Variants in GALNT12 observed in about 807,000 individuals in gnomAD.
GALNT12 encodes the protein UDP-GalNAc:polypeptide N-acetylgalactosaminyltransferase 12.
In GALNT12, 45 loss-of-function variants were observed where a neutral mutation model predicts 55.5. The observed-to-expected ratio is 0.81, with a 90% CI of 0.64 to 1.04. The LOEUF is 1.04. Among genes scored for constraint, GALNT12 ranks in the 50% least tolerant of loss-of-function variants. GALNT12 has a pLI of 0.00. For synonymous variants in GALNT12, 304 were observed against 312.2 expected (o/e 0.97, Z 0.28); for missense variants, 709 against 754.8 (o/e 0.94, Z 0.71).
intron 3 of GALNT12, among the ~76,000 whole-genome samples, chr9:98,828,975 G>A (rs1414010477): frequency 6.6e-6 from 1 of 150,512 alleles, no homozygotes; most frequent in Non-Finnish European, 1.5e-5. Context: ...GACTACAGGT[G>A]CGTGCCACCG....
chr9:98,808,147 C>G (rs1463682527), intron 1 of GALNT12, 78 bp downstream of exon 1: 1 of 1,257,540 alleles, frequency 8.0e-7, no homozygotes, highest in East Asian at 2.6e-5. Flanking sequence ...AGTGGCAGGG[C>G]GGGGAGCTGG....
chr9:98,808,306 T>C (rs1158443637), intron 1 of GALNT12, among the ~76,000 whole-genome samples: 1 of 152,018 alleles, frequency 6.6e-6, no homozygotes, highest in Non-Finnish European at 1.5e-5. Context: ...ATCTCTTAGC[T>C]CCCTTCTCCT....
chr9:98,825,238 G>A (rs190612764), intron 2 of GALNT12, among the ~76,000 whole-genome samples: 22 of 152,240 alleles, frequency 1.4e-4, no homozygotes, highest in South Asian at 4.2e-4. Context: ...GTCAAAGAGC[G>A]GATTATTTAT....
At chr9:98,843,008 C>T (rs2118487645) in intron 7 of GALNT12, among the ~76,000 whole-genome samples, 1 of 152,306 alleles carries the variant, frequency 6.6e-6, no homozygotes, top group Middle Eastern at 3.4e-3. Context: ...CCAGTAGCCA[C>T]AGTGGCCAGT....
intron 1 of GALNT12, among the ~76,000 whole-genome samples, chr9:98,818,519 C>T (rs1301320653): frequency 2.0e-5 from 3 of 151,988 alleles, no homozygotes; most frequent in African/African-American, 7.3e-5. Context: ...GCCACCACAC[C>T]TGGCCAGCTG....
In GALNT12 at chr9:98,835,246, T is replaced by C; in HGVS notation, c.918-3T>C. The C allele has an allele frequency of 6.3e-7, 1 of 1,599,188 alleles. No individual in the cohort carries two copies. On this transcript the variant is annotated splice_region_variant and splice_polypyrimidine_tract_variant and intron_variant, in intron 4 of 9. Coordinates refer to ENST00000375011, the MANE Select transcript of GALNT12 (RefSeq NM_024642.5). The stretch of plus-strand genomic sequence containing the variant: ...GTGAAATAAGGATATCATACTTTTT[T>C]AGGTCTCCAACAATGGCTGGTGGGC...
At chr9:98,822,142 G>A (rs763652224) in intron 1 of GALNT12, among the ~76,000 whole-genome samples, 1 of 152,206 alleles carries the variant, frequency 6.6e-6, no homozygotes, top group African/African-American at 2.4e-5. Flanking sequence ...AATCTGGGAA[G>A]GCCTTGCCTT....
chr9:98,813,172 T>G (rs1472907426), intron 1 of GALNT12, among the ~76,000 whole-genome samples: 3 of 152,244 alleles, frequency 2.0e-5, no homozygotes, highest in African/African-American at 7.2e-5. Flanking sequence ...CTCAGTTTTC[T>G]TTATCTGAAA....
chr9:98,835,338 GA>G lies in GALNT12; in HGVS notation c.1008del (p.Gly337GlufsTer74), dbSNP rs776007490. The G allele has an allele frequency of 6.2e-7, 1 of 1,612,624 alleles. No individual in the cohort carries two copies. The highest frequency in any genetic ancestry group is 8.5e-7 in the Non-Finnish European group (1 of 1,178,646). On this transcript the variant is annotated frameshift_variant, in exon 5 of 10. Transcript: ENST00000375011. LOFTEE classifies it high-confidence loss of function. ...GSYDTGMEVW[G>X]GENLEFSFRI... The stretch of plus-strand genomic sequence containing the variant: ...TATGATACAGGAATGGAAGTTTGGG[GA>G]GGAGAAAACCTCGAATTTTCCTTTA...
chr9:98,846,846 G>A, intron 9 of GALNT12, among the ~76,000 whole-genome samples: 1 of 112,148 alleles, frequency 8.9e-6, no homozygotes, highest in Non-Finnish European at 1.7e-5. Flanking sequence ...GACAGAGCGA[G>A]ACTCCGTCTC....
intron 3 of GALNT12, among the ~76,000 whole-genome samples, chr9:98,828,642 C>A (rs1186946171): frequency 6.6e-6 from 1 of 152,116 alleles, no homozygotes; most frequent in East Asian, 1.9e-4. Context: ...GTTAGAAATA[C>A]CTGGGAAACT....
Position 98,835,371 on chromosome 9 carries a change from G to C in GALNT12, c.1035+5G>C. 6.6e-7 allele frequency: 1 copy of C among 1,508,372 alleles called. No individual in the cohort carries two copies. 93.4% of individuals were successfully genotyped at this position (1,508,372 alleles called of 1,614,324 possible). A position where few individuals can be genotyped will look rare whatever the true frequency, so the allele number is the denominator to read the frequency against. ...AACCTCGAATTTTCCTTTAGGGTAA[G>C]TATTTCAGTCTTCTCTTTGGACATG... On this transcript the variant is annotated splice_donor_5th_base_variant and intron_variant, in intron 5 of 9. Transcript: ENST00000375011.
intron 9 of GALNT12, 89 bp from the exon 10 acceptor site, chr9:98,848,863 A>G (rs1836481435): frequency 1.3e-6 from 2 of 1,502,582 alleles, no homozygotes. Context: ...CTGAAATGGT[A>G]AAAATCAGAC....
intron 2 of GALNT12, among the ~76,000 whole-genome samples, chr9:98,823,852 G>A (rs929358491): frequency 6.6e-6 from 1 of 152,216 alleles, no homozygotes; most frequent in Non-Finnish European, 1.5e-5. Flanking sequence ...GGGGCTGGGT[G>A]AGGATGGAGG....
At chr9:98,808,354 G>A (rs1443697186) in intron 1 of GALNT12, among the ~76,000 whole-genome samples, 2 of 152,144 alleles carry the variant, frequency 1.3e-5, no homozygotes, top group African/African-American at 4.8e-5. Context: ...TGAGGGTCAG[G>A]GCTAAGCAGA....
chr9:98,823,518 A>ATCCTTACTGG, intron 2 of GALNT12, 93 bp downstream of exon 2: 2 of 1,112,702 alleles, frequency 1.8e-6, no homozygotes, highest in Non-Finnish European at 2.7e-6. Context: ...AAGTAGGCCC[A>ATCCTTACTGG]GTAAGGATGG....
At position 98,849,721 on chromosome 9, in the gene GALNT12, A is replaced by T. The variant is rs1256603599; in HGVS notation, c.*629A>T. On this transcript the variant is annotated 3_prime_UTR_variant, in exon 10 of 10. Coordinates refer to ENST00000375011, the MANE Select transcript of GALNT12 (RefSeq NM_024642.5). ...AGCCAAAGAGGACTAACCAAAGCTG[A>T]AATCTCAGAGAACAATTTGCTTTAC... 2.3e-5 allele frequency: 9 copies of T among 399,382 alleles called. No homozygotes were observed. Among genetic ancestry groups the T allele is most frequent in the Non-Finnish European group, 4.0e-5 (9 of 227,142 alleles). 24.7% of individuals were successfully genotyped at this position (399,382 alleles called of 1,614,324 possible). A position where few individuals can be genotyped will look rare whatever the true frequency, so the allele number is the denominator to read the frequency against.
intron 3 of GALNT12, among the ~76,000 whole-genome samples, chr9:98,830,889 T>C (rs1282774368): frequency 6.6e-6 from 1 of 152,240 alleles, no homozygotes; most frequent in African/African-American, 2.4e-5. Flanking sequence ...GGTTGATCTC[T>C]GTTGCACTGT....
chr9:98,816,392 A>AG (rs887619625), intron 1 of GALNT12, among the ~76,000 whole-genome samples: 2 of 151,116 alleles, frequency 1.3e-5, no homozygotes, highest in African/African-American at 2.4e-5. Context: ...AAAAAAAGAA[A>AG]AAAAAAAAAA....
Sources: allele counts gnomAD v4.1 joint callset (sites outside exome capture counted in the v4.1 genomes callset), GRCh38; gene constraint gnomAD v4.1.1; transcripts MANE v1.5; gene names NCBI Gene and HGNC (gene_info 2026-07-23, HGNC 2026-07-21).